NTM: variants seen among roughly 807,000 people sequenced by gnomAD.
NTM encodes the protein IgLON family member 2.
In NTM, 13 loss-of-function variants were observed where a neutral mutation model predicts 42.1. That is an observed-to-expected ratio of 0.31 (90% CI 0.20 to 0.49). The LOEUF is 0.49. Ranked by LOEUF, NTM falls within the 20% of genes least tolerant of loss-of-function variation. The probability of loss-of-function intolerance (pLI) is 0.99; values close to 1 mark genes in which losing one functional copy is unlikely to be tolerated. For missense variants in NTM, 373 were observed against 452.8 expected (o/e 0.82, Z 1.60); for synonymous variants, 187 against 179.2 (o/e 1.04, Z -0.35).
At chr11:131,545,364 TGAC>T (rs1180618130) in intron 1 of NTM, among the ~76,000 whole-genome samples, 1 of 152,194 alleles carries the variant, frequency 6.6e-6, no homozygotes, top group Admixed American at 6.5e-5. Context: ...TTCTCCTTGA[TGAC>T]TTTTTTTCTC....
At chr11:131,673,792 G>T (rs1352003413) in intron 1 of NTM, among the ~76,000 whole-genome samples, 1 of 152,128 alleles carries the variant, frequency 6.6e-6, no homozygotes, top group Non-Finnish European at 1.5e-5. Flanking sequence ...GGAGAACAGA[G>T]ATCTCACGTT....
At chr11:131,862,590 T>A (rs1484647123) in intron 1 of NTM, among the ~76,000 whole-genome samples, 2 of 152,230 alleles carry the variant, frequency 1.3e-5, no homozygotes, top group Non-Finnish European at 2.9e-5. Context: ...TTTAAAAGAA[T>A]ATACCATATC....
At chr11:131,387,295 GCTCT>G (rs142715982) in intron 1 of NTM, among the ~76,000 whole-genome samples, 20 of 148,802 alleles carry the variant, frequency 1.3e-4, no homozygotes, top group African/African-American at 2.7e-4. Flanking sequence ...CTTTCTTGGA[GCTCT>G]CTCTCTCTCT....
At position 131,916,712 on chromosome 11, in the gene NTM, C is replaced by T. The variant is rs538489646; in HGVS notation, c.167+5064C>T. Among the ~76,000 whole-genome samples, 19 of 152,290 alleles carry T rather than the reference C, an allele frequency of 1.2e-4. 1 individual carries two copies. The highest frequency in any genetic ancestry group is 1.0e-3 in the Admixed American group (16 of 15,296). ...CAGCTACTCCACAGCCTCTTAAGGG[C>T]GGAACTAGGCCTCCTCCAGGCTTGC... On this transcript the variant is annotated intron_variant, in intron 2 of 8. Coordinates refer to ENST00000683400, the MANE Select transcript of NTM (RefSeq NM_001352005.2).
intron 1 of NTM, among the ~76,000 whole-genome samples, chr11:131,717,080 A>G (rs554223673): frequency 6.6e-6 from 1 of 152,246 alleles, no homozygotes; most frequent in South Asian, 2.1e-4. Context: ...GGTTCAAGCA[A>G]TCCTCCTGTC....
chr11:132,204,677 G>A (rs2081684173), intron 3 of NTM, among the ~76,000 whole-genome samples: 1 of 152,214 alleles, frequency 6.6e-6, no homozygotes, highest in Admixed American at 6.5e-5. Flanking sequence ...GCTGTGGGAA[G>A]AGCATGGAGA....
chr11:132,007,951 G>A (rs1186893707), intron 2 of NTM, among the ~76,000 whole-genome samples: 1 of 152,160 alleles, frequency 6.6e-6, no homozygotes, highest in East Asian at 1.9e-4. Flanking sequence ...GTTGATATAA[G>A]GGAGGTCAAA....
Position 131,374,342 on chromosome 11 carries a change from G to A in NTM, c.82+3454G>A, listed in dbSNP as rs377062464. On this transcript the variant is annotated intron_variant, in intron 1 of 8. Coordinates refer to ENST00000683400, the MANE Select transcript of NTM (RefSeq NM_001352005.2). ...GCATTCGCTCAAGCGTGCCTGGAGA[G>A]TGTCTGCCCTGGCCGGCAGGTCTCG... Among the ~76,000 whole-genome samples, 6 of 152,242 alleles carry A rather than the reference G, an allele frequency of 3.9e-5. No individual in the cohort carries two copies. The East Asian group carries it at 5.8e-4, about 15-fold the overall frequency.
At chr11:132,198,263 T>C (rs933741659) in intron 3 of NTM, among the ~76,000 whole-genome samples, 2 of 152,214 alleles carry the variant, frequency 1.3e-5, no homozygotes, top group Admixed American at 1.3e-4. Context: ...TGGGGTGCAG[T>C]GGTGCAGTCT....
intron 2 of NTM, among the ~76,000 whole-genome samples, chr11:132,015,633 A>ATATCT (rs1555219425): frequency 7.0e-6 from 1 of 143,078 alleles, no homozygotes; most frequent in African/African-American, 2.5e-5. Flanking sequence ...TTATTCTTAG[A>ATATCT]TATTTTATTT....
chr11:132,094,255 G>A (rs568124506), intron 2 of NTM, among the ~76,000 whole-genome samples: 1 of 152,314 alleles, frequency 6.6e-6, no homozygotes, highest in South Asian at 2.1e-4. Flanking sequence ...ATTTAACAAT[G>A]TATTGATTTG....
At chr11:131,661,665 C>T (rs1031534899) in intron 1 of NTM, among the ~76,000 whole-genome samples, 1 of 152,106 alleles carries the variant, frequency 6.6e-6, no homozygotes, top group African/African-American at 2.4e-5. Context: ...TTTTCTTGGT[C>T]AGTCAAGAAA....
intron 1 of NTM, among the ~76,000 whole-genome samples, chr11:131,436,383 G>T (rs1949137072): frequency 6.6e-6 from 1 of 152,120 alleles, no homozygotes; most frequent in East Asian, 1.9e-4. Context: ...TGTACCTCCG[G>T]TAGGATTCGG....
chr11:131,730,220 C>T (rs2079472527), intron 1 of NTM, among the ~76,000 whole-genome samples: 1 of 152,096 alleles, frequency 6.6e-6, no homozygotes, highest in Admixed American at 6.5e-5. Flanking sequence ...TGCTTACCAG[C>T]CATTTGCATA....
chr11:131,604,768 A>T (rs1227702098), intron 1 of NTM, among the ~76,000 whole-genome samples: 1 of 149,350 alleles, frequency 6.7e-6, no homozygotes, highest in Non-Finnish European at 1.5e-5. Flanking sequence ...TTTCCTTTGT[A>T]TGTGGATCTC....
At chr11:132,313,252 C>T (rs779917670) in intron 6 of NTM, among the ~76,000 whole-genome samples, 8 of 152,022 alleles carry the variant, frequency 5.3e-5, no homozygotes, top group African/African-American at 1.2e-4. Flanking sequence ...TGCCATTGTG[C>T]GGTCCGCAAA....
chr11:131,969,794 T>C (rs1390858208), intron 2 of NTM, among the ~76,000 whole-genome samples: 1 of 152,228 alleles, frequency 6.6e-6, no homozygotes, highest in African/African-American at 2.4e-5. Flanking sequence ...CATTTTAGTA[T>C]AAAGAAAGAG....
At chr11:132,172,805 G>T (rs1384167854) in intron 3 of NTM, among the ~76,000 whole-genome samples, 1 of 152,124 alleles carries the variant, frequency 6.6e-6, no homozygotes, top group Non-Finnish European at 1.5e-5. Flanking sequence ...ATGATCATTT[G>T]TGCTGGAAAA....
intron 2 of NTM, chr11:131,981,341 C>T (rs1231433962): frequency 1.3e-5 from 2 of 152,304 alleles, no homozygotes; most frequent in East Asian, 1.9e-4. Context: ...TCCAATGTGC[C>T]TCTGTTTGAC....
Sources: allele counts gnomAD v4.1 joint callset (sites outside exome capture counted in the v4.1 genomes callset), GRCh38; gene constraint gnomAD v4.1.1; transcripts MANE v1.5; gene names NCBI Gene and HGNC (gene_info 2026-07-23, HGNC 2026-07-21).